UCP2: variants seen among roughly 807,000 people sequenced by gnomAD.
UCP2 encodes the protein dicarboxylate carrier SLC25A8.
Under a neutral mutation model 31.3 loss-of-function variants are expected in UCP2, and 27 were observed. The observed-to-expected ratio is 0.86, with a 90% CI of 0.64 to 1.19. The LOEUF is 1.19. Ranked by LOEUF, UCP2 falls within the 50% of genes most tolerant of loss-of-function variation. The probability of loss-of-function intolerance (pLI) is 0.00; values close to 1 mark genes in which losing one functional copy is unlikely to be tolerated. For synonymous variants in UCP2, 142 were observed against 157.4 expected (o/e 0.90, Z 0.73); for missense variants, 377 against 413.5 (o/e 0.91, Z 0.76).
At position 73,982,401 on chromosome 11, in the gene UCP2, A is replaced by G. The variant is rs545645116; in HGVS notation, c.-257+320T>C. Among the ~76,000 whole-genome samples the G allele has an allele frequency of 1.6e-3, 240 of 152,310 alleles. 1 individual carries two copies. Among genetic ancestry groups the G allele is most frequent in the Admixed American group, 3.7e-3 (56 of 15,310 alleles). ...CAGCAGTTCGAGGCCAGCCTGGCCA[A>G]CATGGCGAAACCCCATCTCTACAAA... On this transcript the variant is annotated intron_variant, in intron 1 of 7. Coordinates refer to ENST00000663595, the MANE Select transcript of UCP2 (RefSeq NM_003355.3).
rs756947421 is a variant in UCP2 at position 73,975,051 on chromosome 11, G to A, written c.886C>T (p.Arg296Ter). ...VMFVTYEQLK[R>*]ALMAACTSRE... The stretch of plus-strand genomic sequence containing the variant: ...GAAGTGCAGGCAGCCATGAGGGCTC[G>A]TTTCAGCTGCTCATAGGTGACGAAC... Residue 296 changes from arginine to a stop codon, truncating the protein, a stop_gained, in exon 8 of 8, where the codon CGA becomes TGA. Transcript: ENST00000663595. LOFTEE classifies it high-confidence loss of function. The A allele has an allele frequency of 3.7e-6, 6 of 1,613,546 alleles. No homozygotes were observed. Among genetic ancestry groups the A allele is most frequent in the Admixed American group, 1.7e-5 (1 of 59,934 alleles).
rs780888303 is a variant in UCP2 at position 73,975,058 on chromosome 11, C to T, written c.879G>A (p.Gln293=). Residue 293 remains glutamine, a synonymous_variant, in exon 8 of 8, where the codon CAG becomes CAA. Transcript: ENST00000663595. ...WNVVMFVTYE[Q]LKRALMAACT... ...AGGCAGCCATGAGGGCTCGTTTCAG[C>T]TGCTCATAGGTGACGAACATCACCA... The T allele has an allele frequency of 3.1e-6, 5 of 1,613,650 alleles. No homozygotes were observed. The highest frequency in any genetic ancestry group is 4.2e-6 in the Non-Finnish European group (5 of 1,179,866).
chr11:73,979,074 G>A (rs1486870738), intron 2 of UCP2, among the ~76,000 whole-genome samples: 4 of 152,230 alleles, frequency 2.6e-5, no homozygotes, highest in Admixed American at 6.5e-5. Context: ...GCTTTGCTGG[G>A]CAGTGGTTCA....
Position 73,978,309 on chromosome 11 carries a change from C to G in UCP2, c.70G>C (p.Ala24Pro), listed in dbSNP as rs758911603. 6.2e-7 allele frequency: 1 copy of G among 1,614,194 alleles called. No individual in the cohort carries two copies. The highest frequency in any genetic ancestry group is 1.7e-5 in the Admixed American group (1 of 60,034). ...AAGGTGATGAGATCTGCGATGCAGG[C>G]AGCTGTGCCAGCCCCAAGAAACTTC... ...TVKFLGAGTAACIADLITFPL... is the reference protein window; with the variant it reads ...TVKFLGAGTAPCIADLITFPL... The change falls in exon 3 of 8, where the codon GCC becomes CCC. Residue 24 changes from alanine to proline, a missense_variant. Physicochemically the swap from Ala to Pro is conservative, Grantham distance 27. Transcript: ENST00000663595.
Position 73,977,966 on chromosome 11 carries a change from A to T in UCP2, c.257T>A (p.Leu86Gln). 6.2e-7 allele frequency: 1 copy of T among 1,614,240 alleles called. No individual in the cohort carries two copies. The change falls in exon 4 of 8, where the codon CTG becomes CAG. Residue 86 changes from leucine to glutamine, a missense_variant. Leu to Gln is a moderately radical substitution (Grantham distance 113). Transcript: ENST00000663595. ...AGAGGCAAAGCTCATTTGGCGCTGC[A>T]GGCCGGCAACCAGCCCATTGTAGAG... ...RSLYNGLVAGLQRQMSFASVR... is the reference protein window; with the variant it reads ...RSLYNGLVAGQQRQMSFASVR...
chr11:73,974,748 CT>C lies in UCP2; in HGVS notation c.*258del, dbSNP rs1417629439. The C allele has an allele frequency of 5.3e-6, 2 of 374,114 alleles. No homozygotes were observed. The highest frequency in any genetic ancestry group is 4.4e-5 in the African/African-American group (2 of 45,712). The allele number at this position is 374,114 out of a possible 1,614,324, so 23.2% of individuals were successfully genotyped here. On this transcript the variant is annotated 3_prime_UTR_variant, in exon 8 of 8. Transcript: ENST00000663595. ...GGGCAGGACGAAGATTCTGGCTGAA[CT>C]TTCCAAGGGACGGGACGCTTGGGAT...
chr11:73,976,749 G>A lies in UCP2; in HGVS notation c.533-7C>T, dbSNP rs1223112417. ...GCAACATTGGGAGAGGTCCCTGTAG[G>A]AGGAGGAAGATCCTGGGTGAGACCA... On this transcript the variant is annotated splice_region_variant and splice_polypyrimidine_tract_variant and intron_variant, in intron 5 of 7. Coordinates refer to ENST00000663595, the MANE Select transcript of UCP2 (RefSeq NM_003355.3). The A allele has an allele frequency of 6.8e-6, 11 of 1,614,090 alleles. No individual in the cohort carries two copies. The highest frequency in any genetic ancestry group is 7.6e-6 in the Non-Finnish European group (9 of 1,180,046).
At chr11:73,982,913 G>T (rs1011400039), upstream of UCP2, 1 of 152,508 alleles carries the variant, frequency 6.6e-6, no homozygotes, top group Non-Finnish European at 1.5e-5. Context: ...CTGCGGGGCG[G>T]GGCCGGGCCT....
chr11:73,974,873 A>C lies in UCP2; in HGVS notation c.*134T>G. 1 of 801,176 alleles carries C rather than the reference A, an allele frequency of 1.2e-6. No homozygotes were observed. The highest frequency in any genetic ancestry group is 2.0e-5 in the Admixed American group (1 of 49,624). The allele number at this position is 801,176 out of a possible 1,614,324, so 49.6% of individuals were successfully genotyped here. ...TGTAGAAAGAGGGAAGGTGGTAGGT[A>C]AAGGAGCGGAAGGAAGAGGTGGGGA... On this transcript the variant is annotated 3_prime_UTR_variant, in exon 8 of 8. Transcript: ENST00000663595.
At chr11:73,975,703 ATCT>A in intron 6 of UCP2, 32 bp from the exon 7 acceptor site, 2 of 1,612,850 alleles carry the variant, frequency 1.2e-6, no homozygotes, top group Non-Finnish European at 1.7e-6. Context: ...GGCAGTCAAG[ATCT>A]TCACCCATCA....
In UCP2 at chr11:73,975,556, G is replaced by A. The variant is rs45526034; in HGVS notation, c.750C>T (p.Tyr250=). 2.4e-3 allele frequency: 3,839 copies of A among 1,614,124 alleles called. 94 individuals carry two copies. In the African/African-American group the frequency reaches 0.046, roughly 19 times the overall value. ...TAAGGGCACAGTGGCCAGCGCTACT[G>A]TACTGGCCCAGGGCAGAGTTCATGT... ...TRYMNSALGQ[Y]SSAGHCALTM... The change falls in exon 7 of 8, where the codon TAC becomes TAT. Residue 250 remains tyrosine (Y), a synonymous_variant. Transcript: ENST00000663595.
chr11:73,975,507 G>C lies in UCP2; in HGVS notation c.799C>G (p.Arg267Gly), dbSNP rs748009040. Residue 267 changes from arginine to glycine, a missense_variant, in exon 7 of 8, where the codon CGA becomes GGA. Transcript: ENST00000663595. ...GAGGCTCACCCTTTGTAGAAGGCTCGGGGCCCCTCCTTCTGGAGCATGGTA... is the reference window on the plus strand; with the variant it reads ...GAGGCTCACCCTTTGTAGAAGGCTCCGGGCCCCTCCTTCTGGAGCATGGTA... The part of the protein sequence containing the change: ...ALTMLQKEGP[R>G]AFYKGFMPSF... 1 of 1,611,074 alleles carries C rather than the reference G, an allele frequency of 6.2e-7. No homozygotes were observed. The highest frequency in any genetic ancestry group is 1.1e-5 in the South Asian group (1 of 90,952).
In UCP2 at chr11:73,975,092, G is replaced by C. The variant is rs45596837; in HGVS notation, c.845C>G (p.Ser282Cys). 2 of 1,613,566 alleles carry C rather than the reference G, an allele frequency of 1.2e-6. No individual in the cohort carries two copies. Among genetic ancestry groups the C allele is most frequent in the East Asian group, 2.2e-5 (1 of 44,828 alleles). Residue 282 changes from serine (S) to cysteine (C), a missense_variant, in exon 8 of 8, where the codon TCC becomes TGC. By Grantham distance (112) the Ser-to-Cys change is moderately radical. Coordinates refer to ENST00000663595, the MANE Select transcript of UCP2 (RefSeq NM_003355.3). ...GFMPSFLRLG[S>C]WNVVMFVTYE... ...GGTGACGAACATCACCACGTTCCAGGAACCCAAGCGGAGAAAGGAGGGCAT... is the reference window on the plus strand; with the variant it reads ...GGTGACGAACATCACCACGTTCCAGCAACCCAAGCGGAGAAAGGAGGGCAT...
At chr11:73,976,618 G>T in intron 6 of UCP2, 23 bp downstream of exon 6, 1 of 1,596,426 alleles carries the variant, frequency 6.3e-7, no homozygotes, top group South Asian at 1.1e-5. Flanking sequence ...GTGAGACCCA[G>T]CACCGTCTAC....
At chr11:73,978,540 C>T (rs1951401156) in intron 2 of UCP2, 63 bp from the exon 3 acceptor site, 2 of 1,044,182 alleles carry the variant, frequency 1.9e-6, no homozygotes, top group East Asian at 5.3e-5. Context: ...TGCTCACCAT[C>T]CCCAAACTCA....
chr11:73,978,347 G>A lies in UCP2; in HGVS notation c.32C>T (p.Pro11Leu), dbSNP rs1424793019. Residue 11 changes from proline (P) to leucine (L), a missense_variant, in exon 3 of 8, where the codon CCT becomes CTT. Pro to Leu is a moderately conservative substitution (Grantham distance 98, BLOSUM62 -3). Transcript: ENST00000663595. MVGFKATDVP[P>L]TATVKFLGAG... ...CCCAAGAAACTTCACAGTGGCAGTA[G>A]GGGGCACATCTGTGGCCTTGAACCC... 6.2e-7 allele frequency: 1 copy of A among 1,614,194 alleles called. No homozygotes were observed. Among genetic ancestry groups the A allele is most frequent in the Non-Finnish European group, 8.5e-7 (1 of 1,180,032 alleles).
intron 6 of UCP2, 148 bp from the exon 7 acceptor site, chr11:73,975,819 T>A (rs1591218853): frequency 9.8e-7 from 1 of 1,016,054 alleles, no homozygotes; most frequent in Admixed American, 2.0e-5. Context: ...CCAGGACTTC[T>A]TTTGGAGGCC....
At chr11:73,976,489 G>A in intron 6 of UCP2, 152 bp downstream of exon 6, 1 of 685,806 alleles carries the variant, frequency 1.5e-6, no homozygotes, top group South Asian at 1.7e-5. Context: ...CATCCCAATT[G>A]GCTTCAATAT....
In UCP2 at chr11:73,974,743, CT is replaced by C; in HGVS notation, c.*263del. The C allele has an allele frequency of 2.4e-6, 1 of 421,288 alleles. No homozygotes were observed. The highest frequency in any genetic ancestry group is 4.1e-5 in the East Asian group (1 of 24,516). The allele number at this position is 421,288 out of a possible 1,614,324, so 26.1% of individuals were successfully genotyped here. On this transcript the variant is annotated 3_prime_UTR_variant, in exon 8 of 8. Coordinates refer to ENST00000663595, the MANE Select transcript of UCP2 (RefSeq NM_003355.3). ...GTCGGGGGCAGGACGAAGATTCTGGCTGAACTTTCCAAGGGACGGGACGCTT... is the reference window on the plus strand; with the variant it reads ...GTCGGGGGCAGGACGAAGATTCTGGCGAACTTTCCAAGGGACGGGACGCTT...
Sources: allele counts gnomAD v4.1 joint callset (sites outside exome capture counted in the v4.1 genomes callset), GRCh38; gene constraint gnomAD v4.1.1; transcripts MANE v1.5; gene names NCBI Gene and HGNC (gene_info 2026-07-23, HGNC 2026-07-21).